HPSE: variants seen among roughly 807,000 people sequenced by gnomAD.
HPSE encodes the protein endo-glucoronidase.
A neutral mutation model predicts 65.1 loss-of-function variants in HPSE; 48 were observed. That is an observed-to-expected ratio of 0.74 (90% CI 0.58 to 0.94). HPSE has a LOEUF of 0.94. HPSE is among the 40% of genes least tolerant of loss of function. HPSE has a pLI of 0.00. For missense variants in HPSE, 644 were observed against 637.5 expected, an observed-to-expected ratio of 1.01 and a Z score of -0.11; for synonymous variants, 243 against 260.0, an observed-to-expected ratio of 0.93 and a Z score of 0.63.
At chr4:83,329,355 G>A (rs1737276224) in intron 1 of HPSE, among the ~76,000 whole-genome samples, 1 of 152,126 alleles carries the variant, frequency 6.6e-6, no homozygotes, top group South Asian at 2.1e-4. Flanking sequence ...AAATATGGTT[G>A]GACTAAACCA....
Position 83,293,924 on chromosome 4 carries a change from T to C in HPSE, c.*1420A>G, listed in dbSNP as rs1282993804. 1 of 152,232 alleles carries C rather than the reference T, an allele frequency of 6.6e-6. No homozygotes were observed. Among genetic ancestry groups the C allele is most frequent in the African/African-American group, 2.4e-5 (1 of 41,466 alleles). 9.4% of individuals were successfully genotyped at this position (152,232 alleles called of 1,614,324 possible). A position where few individuals can be genotyped will look rare whatever the true frequency, so the allele number is the denominator to read the frequency against. On this transcript the variant is annotated 3_prime_UTR_variant, in exon 12 of 12. Coordinates refer to ENST00000311412, the MANE Select transcript of HPSE (RefSeq NM_001098540.3). Reference sequence around the variant, plus strand: ...GTATGCTTTTTCTGATGGGTGCCTGTAGAGATGGCACATGAAGGAAAGAAT... The same window carrying C: ...GTATGCTTTTTCTGATGGGTGCCTGCAGAGATGGCACATGAAGGAAAGAAT...
chr4:83,315,641 G>A (rs1311036959), intron 3 of HPSE, among the ~76,000 whole-genome samples: 2 of 152,144 alleles, frequency 1.3e-5, no homozygotes, highest in Non-Finnish European at 2.9e-5. Flanking sequence ...CCCACTTATA[G>A]ACTATAATAT....
At chr4:83,323,308 C>G (rs1011292559) in intron 1 of HPSE, among the ~76,000 whole-genome samples, 1 of 152,012 alleles carries the variant, frequency 6.6e-6, no homozygotes, top group Non-Finnish European at 1.5e-5. Flanking sequence ...TGAACCCTGC[C>G]GTGAACTATG....
chr4:83,298,782 C>T (rs566516516), intron 11 of HPSE, among the ~76,000 whole-genome samples: 23 of 152,022 alleles, frequency 1.5e-4, no homozygotes, highest in Admixed American at 3.3e-4. Context: ...GAGCTGTGAC[C>T]GCACCACTAC....
chr4:83,308,996 C>G, intron 7 of HPSE, 45 bp from the exon 8 acceptor site: 1 of 1,513,310 alleles, frequency 6.6e-7, no homozygotes, highest in Non-Finnish European at 9.2e-7. Context: ...AAAAGCTGAC[C>G]TGTGGTTTCA....
In HPSE at chr4:83,302,165, C is replaced by T. The variant is rs369028133; in HGVS notation, c.1310G>A (p.Cys437Tyr). ...TCATACTTACTTGTCAGTGTTTGTG[C>T]AATGAAGGTATACTCGAAGCTTCCT... Reference protein sequence around the residue: ...KRRKLRVYLHCTNTDNPRYKE... With the variant: ...KRRKLRVYLHYTNTDNPRYKE... The change falls in exon 10 of 12, where the codon TGC becomes TAC. Residue 437 changes from cysteine (C) to tyrosine (Y), a missense_variant. Transcript: ENST00000311412. 5.6e-6 allele frequency: 9 copies of T among 1,609,668 alleles called. No individual in the cohort carries two copies. Among genetic ancestry groups the T allele is most frequent in the African/African-American group, 2.7e-5 (2 of 74,816 alleles).
chr4:83,322,137 G>A, intron 2 of HPSE, 82 bp downstream of exon 2: 2 of 1,197,824 alleles, frequency 1.7e-6, no homozygotes, highest in Non-Finnish European at 2.4e-6. Flanking sequence ...TGTTAGGTGT[G>A]AGAAATAACA....
In HPSE at chr4:83,322,382, A is replaced by C. The variant is rs1213986665; in HGVS notation, c.228-18T>G. 1.0e-5 allele frequency: 16 copies of C among 1,592,212 alleles called. No individual in the cohort carries two copies. The highest frequency in any genetic ancestry group is 1.4e-5 in the Non-Finnish European group (16 of 1,171,274). ...TTGGAGAACTGTTAGGAAGACAAGCAAGAAAGTATAACTATTTTTTCCAAG... is the reference window on the plus strand; with the variant it reads ...TTGGAGAACTGTTAGGAAGACAAGCCAGAAAGTATAACTATTTTTTCCAAG... On this transcript the variant is annotated intron_variant, in intron 1 of 11. Transcript: ENST00000311412.
intron 2 of HPSE, 21 bp downstream of exon 2, chr4:83,322,198 T>A (rs1428354210): frequency 3.7e-6 from 6 of 1,602,094 alleles, no homozygotes; most frequent in African/African-American, 1.3e-5. Context: ...AAATATAGAG[T>A]GAATCTTTAA....
intron 8 of HPSE, among the ~76,000 whole-genome samples, chr4:83,307,057 C>G (rs1736168397): frequency 6.6e-6 from 1 of 152,164 alleles, no homozygotes; most frequent in South Asian, 2.1e-4. Context: ...GATTCCATCT[C>G]CAACCTGACC....
Position 83,293,728 on chromosome 4 carries a change from C to T in HPSE, c.*1616G>A, listed in dbSNP as rs1315201819. 2 of 152,184 alleles carry T rather than the reference C, an allele frequency of 1.3e-5. No homozygotes were observed. Among genetic ancestry groups the T allele is most frequent in the Non-Finnish European group, 2.9e-5 (2 of 68,026 alleles). The allele number at this position is 152,184 out of a possible 1,614,324, so 9.4% of individuals were successfully genotyped here. On this transcript the variant is annotated 3_prime_UTR_variant, in exon 12 of 12. Coordinates refer to ENST00000311412, the MANE Select transcript of HPSE (RefSeq NM_001098540.3). ...TAATTTTAAGTTTACAGAATCTCCT[C>T]GCCTCTGAATTGTCATTAACCATTT...
intron 1 of HPSE, 133 bp downstream of exon 1, chr4:83,334,423 G>A (rs533372777): frequency 2.9e-5 from 29 of 988,254 alleles, no homozygotes; most frequent in Non-Finnish European, 4.1e-5. Context: ...GGCGGGAAGT[G>A]GGGTGGGGAG....
At chr4:83,305,972 A>G (rs529630224) in intron 9 of HPSE, among the ~76,000 whole-genome samples, 1 of 152,308 alleles carries the variant, frequency 6.6e-6, no homozygotes, top group East Asian at 1.9e-4. Flanking sequence ...CAAAATCCAC[A>G]CTATACTGCA....
rs1446749324 is a variant in HPSE at position 83,300,982 on chromosome 4, C to T, written c.1450G>A (p.Gly484Arg). ...QVDKYLLRPL[G>R]PHGLLSKSVQ... is the part of the protein sequence containing the mutation. The stretch of plus-strand genomic sequence containing the variant: ...TACTTGGAAAGTAATCCATGAGGTC[C>T]CAAAGGTCTTAGAAGGTATTTATCC... The change falls in exon 11 of 12, where the codon GGA becomes AGA. Residue 484 changes from glycine to arginine, a missense_variant. Transcript: ENST00000311412. 6.3e-7 allele frequency: 1 copy of T among 1,597,470 alleles called. No homozygotes were observed. The highest frequency in any genetic ancestry group is 8.5e-7 in the Non-Finnish European group (1 of 1,172,550).
chr4:83,329,907 G>C (rs1475718596), intron 1 of HPSE, among the ~76,000 whole-genome samples: 1 of 151,952 alleles, frequency 6.6e-6, no homozygotes, highest in Non-Finnish European at 1.5e-5. Flanking sequence ...AGGAGCACTG[G>C]ATGAGAGCCA....
Position 83,308,905 on chromosome 4 carries a change from G to T in HPSE, c.1031C>A (p.Thr344Lys). Reference sequence around the variant, plus strand: ...CGCTCCGCCTCCATATGCAGAGCTTGTTTCTCCTAACCAGACCTTCTTGCC... The same window carrying T: ...CGCTCCGCCTCCATATGCAGAGCTTTTTTCTCCTAACCAGACCTTCTTGCC... Reference protein sequence around the residue: ...RPGKKVWLGETSSAYGGGAPL... With the variant: ...RPGKKVWLGEKSSAYGGGAPL... Residue 344 changes from threonine (T) to lysine (K), a missense_variant, in exon 8 of 12, where the codon ACA (threonine) becomes AAA (lysine). Transcript: ENST00000311412. 1 of 1,614,206 alleles carries T rather than the reference G, an allele frequency of 6.2e-7. No homozygotes were observed. The highest frequency in any genetic ancestry group is 2.2e-5 in the East Asian group (1 of 44,876).
At chr4:83,320,781 C>T (rs1312458824) in intron 2 of HPSE, among the ~76,000 whole-genome samples, 2 of 152,084 alleles carry the variant, frequency 1.3e-5, no homozygotes, top group Non-Finnish European at 1.5e-5. Flanking sequence ...TTGCATAACC[C>T]CAGTTTCCCC....
intron 1 of HPSE, among the ~76,000 whole-genome samples, chr4:83,329,121 A>G (rs560921172): frequency 6.6e-6 from 1 of 152,310 alleles, no homozygotes; most frequent in South Asian, 2.1e-4. Context: ...ACTAAGGGCC[A>G]GGGAAGTCTG....
At chr4:83,310,693 A>G (rs1236858231) in intron 5 of HPSE, 29 bp downstream of exon 5, 3 of 1,576,764 alleles carry the variant, frequency 1.9e-6, no homozygotes, top group Non-Finnish European at 2.6e-6. Flanking sequence ...GAAGAAAAGT[A>G]AAGTGATTCT....
Sources: gnomAD v4.1 joint callset for allele counts (sites outside exome capture counted in the v4.1 genomes callset) on GRCh38, gnomAD v4.1.1 for gene constraint, MANE v1.5 for transcripts, NCBI Gene and HGNC (gene_info 2026-07-23, HGNC 2026-07-21) for gene names.